Variants in GALNTL6 observed in about 807,000 individuals in gnomAD.
GALNTL6 encodes polypeptide N-acetylgalactosaminyltransferase like 6.
Under a neutral mutation model 73.7 loss-of-function variants are expected in GALNTL6, and 46 were observed. The ratio of observed to expected loss-of-function variants is 0.62; its 90% confidence interval spans 0.49 to 0.80. The LOEUF (loss-of-function observed/expected upper bound fraction) is 0.80, where lower values mean the gene tolerates loss of function less well. Ranked by LOEUF, GALNTL6 falls within the 30% of genes least tolerant of loss-of-function variation. The probability of loss-of-function intolerance (pLI) is 0.00; values close to 1 mark genes in which losing one functional copy is unlikely to be tolerated. For synonymous variants in GALNTL6, 259 were observed against 263.7 expected, an observed-to-expected ratio of 0.98 and a Z score of 0.17; for missense variants, 604 against 755.0, an observed-to-expected ratio of 0.80 and a Z score of 2.34.
chr4:172,328,892 C>G (rs1346372910), intron 4 of GALNTL6, among the ~76,000 whole-genome samples: 1 of 152,104 alleles, frequency 6.6e-6, no homozygotes, highest in African/African-American at 2.4e-5. Context: ...GTTAAGAACC[C>G]TTGGAAAACT....
At chr4:172,889,215 T>G (rs1426080424) in intron 8 of GALNTL6, among the ~76,000 whole-genome samples, 2 of 152,164 alleles carry the variant, frequency 1.3e-5, no homozygotes, top group Non-Finnish European at 2.9e-5. Flanking sequence ...AGAGCGATAA[T>G]TTAACTTCTT....
chr4:172,583,275 C>CT (rs1737265967), intron 5 of GALNTL6, among the ~76,000 whole-genome samples: 1 of 152,128 alleles, frequency 6.6e-6, no homozygotes, highest in Non-Finnish European at 1.5e-5. Flanking sequence ...CCCAATGTAT[C>CT]TTATAATATT....
Position 171,903,623 on chromosome 4 carries a change from A to G in GALNTL6, c.138+88905A>G, listed in dbSNP as rs7693324. Among the ~76,000 whole-genome samples, 22 of 122,136 alleles carry G rather than the reference A, an allele frequency of 1.8e-4. 1 individual carries two copies. Among genetic ancestry groups the G allele is most frequent in the Non-Finnish European group, 3.2e-4 (19 of 60,308 alleles). 80.1% of individuals were successfully genotyped at this position (122,136 alleles called of 152,430 possible). The stretch of plus-strand genomic sequence containing the variant: ...GGTAAACAAAGCAGCCCTGAAGCTC[A>G]AACTGGGTGGAGCCCACCACAGCTC... On this transcript the variant is annotated intron_variant, in intron 2 of 12. Coordinates refer to ENST00000506823, the MANE Select transcript of GALNTL6 (RefSeq NM_001034845.3).
chr4:172,619,433 G>A (rs1738869473), intron 5 of GALNTL6, among the ~76,000 whole-genome samples: 1 of 152,112 alleles, frequency 6.6e-6, no homozygotes, highest in Non-Finnish European at 1.5e-5. Context: ...AACAAAACGA[G>A]AGGTTTTTCC....
At chr4:172,589,087 T>G (rs1028088712) in intron 5 of GALNTL6, among the ~76,000 whole-genome samples, 2 of 152,186 alleles carry the variant, frequency 1.3e-5, no homozygotes, top group Admixed American at 1.3e-4. Flanking sequence ...ATGGCCAATT[T>G]TAAGAAAAAT....
intron 7 of GALNTL6, among the ~76,000 whole-genome samples, chr4:172,835,789 T>C (rs906080754): frequency 2.6e-5 from 4 of 152,024 alleles, no homozygotes; most frequent in African/African-American, 9.7e-5. Context: ...GCAGATAAGT[T>C]AGAGGTAAGG....
At chr4:172,457,252 A>G (rs1732432131) in intron 5 of GALNTL6, among the ~76,000 whole-genome samples, 1 of 152,148 alleles carries the variant, frequency 6.6e-6, no homozygotes, top group Admixed American at 6.5e-5. Context: ...CAGCCACTGC[A>G]AAAACATACC....
intron 5 of GALNTL6, among the ~76,000 whole-genome samples, chr4:172,799,774 A>AAAC (rs59147882): frequency 0.014 from 2,170 of 152,316 alleles, 49 homozygotes; most frequent in African/African-American, 0.048. Context: ...GTATATGCCA[A>AAAC]AACAACAACT....
intron 3 of GALNTL6, among the ~76,000 whole-genome samples, chr4:172,244,534 G>A (rs1475368801): frequency 6.6e-6 from 1 of 152,070 alleles, no homozygotes; most frequent in Non-Finnish European, 1.5e-5. Context: ...ATTTTTCCCA[G>A]TAGTTAAAAT....
At chr4:172,623,262 A>G (rs1407414755) in intron 5 of GALNTL6, among the ~76,000 whole-genome samples, 1 of 152,202 alleles carries the variant, frequency 6.6e-6, no homozygotes, top group African/African-American at 2.4e-5. Flanking sequence ...TGCTTCAGGG[A>G]AAAAGAAACG....
chr4:172,847,260 T>A (rs1743563292), intron 7 of GALNTL6, among the ~76,000 whole-genome samples: 1 of 152,172 alleles, frequency 6.6e-6, no homozygotes. Flanking sequence ...TTATTTGAGT[T>A]CTTATCAACT....
At position 173,041,515 on chromosome 4, in the gene GALNTL6, T is replaced by C. The variant is rs1242076069; in HGVS notation, c.*1415T>C. 6.6e-6 allele frequency: 1 copy of C among 152,162 alleles called. No homozygotes were observed. Among genetic ancestry groups the C allele is most frequent in the Non-Finnish European group, 1.5e-5 (1 of 68,026 alleles). The allele number at this position is 152,162 out of a possible 1,614,324, so 9.4% of individuals were successfully genotyped here. On this transcript the variant is annotated 3_prime_UTR_variant, in exon 13 of 13. Transcript: ENST00000506823. ...GTTTTAACTTTGCTTTCTTTTTGGT[T>C]TTTGTTTGAAGTTGGTTTTCCTGTT...
At chr4:172,045,577 G>A (rs368806488) in intron 2 of GALNTL6, among the ~76,000 whole-genome samples, 10 of 151,570 alleles carry the variant, frequency 6.6e-5, no homozygotes, top group African/African-American at 2.4e-4. Context: ...ACATACTTTG[G>A]TATTTATAGA....
At chr4:172,028,519 A>T (rs1741664021) in intron 2 of GALNTL6, among the ~76,000 whole-genome samples, 1 of 152,058 alleles carries the variant, frequency 6.6e-6, no homozygotes, top group Non-Finnish European at 1.5e-5. Context: ...CACAAAAGAA[A>T]TTTAGTTTTA....
intron 2 of GALNTL6, among the ~76,000 whole-genome samples, chr4:172,194,863 T>A (rs1735704135): frequency 6.6e-6 from 1 of 152,080 alleles, no homozygotes; most frequent in Non-Finnish European, 1.5e-5. Context: ...CACACACCAA[T>A]GACACTATGA....
At chr4:172,587,992 C>T (rs1737485284) in intron 5 of GALNTL6, among the ~76,000 whole-genome samples, 1 of 152,092 alleles carries the variant, frequency 6.6e-6, no homozygotes, top group African/African-American at 2.4e-5. Flanking sequence ...CCATAGTAGG[C>T]CCTCGAAAAA....
chr4:173,019,693 A>G (rs1269794409), intron 11 of GALNTL6, among the ~76,000 whole-genome samples: 1 of 152,252 alleles, frequency 6.6e-6, no homozygotes, highest in African/African-American at 2.4e-5. Flanking sequence ...TTGTTCTTCT[A>G]TATGAAATCT....
intron 10 of GALNTL6, among the ~76,000 whole-genome samples, chr4:172,979,635 T>A (rs547240013): frequency 6.6e-6 from 1 of 152,326 alleles, no homozygotes; most frequent in Non-Finnish European, 1.5e-5. Context: ...CAGATTGGTT[T>A]TATATCTTCC....
chr4:172,427,137 G>A (rs181966792), intron 5 of GALNTL6, among the ~76,000 whole-genome samples: 537 of 152,088 alleles, frequency 3.5e-3, no homozygotes, highest in Non-Finnish European at 5.6e-3. Flanking sequence ...GAGAAGAAAA[G>A]GAAGACAGAA....
Sources: allele counts gnomAD v4.1 joint callset (sites outside exome capture counted in the v4.1 genomes callset), GRCh38; gene constraint gnomAD v4.1.1; transcripts MANE v1.5; gene names NCBI Gene and HGNC (gene_info 2026-07-23, HGNC 2026-07-21).